Variants in DEAF1 observed in about 807,000 individuals in gnomAD.
The protein encoded by DEAF1 is deformed epidermal autoregulatory factor 1 homolog.
In DEAF1, 53 loss-of-function variants were observed where a neutral mutation model predicts 58.9. That is an observed-to-expected ratio of 0.90 (90% CI 0.72 to 1.13). The LOEUF is 1.13. Ranked by LOEUF, DEAF1 falls within the 50% of genes most tolerant of loss-of-function variation. The probability of loss-of-function intolerance (pLI) is 0.00; values close to 1 mark genes in which losing one functional copy is unlikely to be tolerated. For missense variants in DEAF1, 685 were observed against 791.4 expected, an observed-to-expected ratio of 0.87 and a Z score of 1.61; for synonymous variants, 385 against 340.4, an observed-to-expected ratio of 1.13 and a Z score of -1.44.
intron 6 of DEAF1, 123 bp from the exon 7 acceptor site, chr11:681,212 T>C (rs924131405): frequency 3.6e-5 from 49 of 1,360,372 alleles, no homozygotes; most frequent in Admixed American, 3.0e-4. Context: ...CACATTAAGA[T>C]GGTAAGCGCC....
chr11:681,642 C>T (rs894416068), intron 6 of DEAF1, among the ~76,000 whole-genome samples: 3 of 152,060 alleles, frequency 2.0e-5, no homozygotes, highest in South Asian at 4.1e-4. Flanking sequence ...GTTCTCCTGA[C>T]CTCGTGATCT....
chr11:687,208 C>A (rs1257350188), intron 4 of DEAF1, among the ~76,000 whole-genome samples: 1 of 152,244 alleles, frequency 6.6e-6, no homozygotes, highest in Admixed American at 6.5e-5. Context: ...TCTCTCCACC[C>A]GCTGTCCACA....
chr11:700,337 G>A (rs763910432), intron 1 of DEAF1: 33 of 1,077,434 alleles, frequency 3.1e-5, no homozygotes, highest in Non-Finnish European at 4.0e-5. Context: ...GACCAGCCAG[G>A]CCAACATGGG....
intron 2 of DEAF1, among the ~76,000 whole-genome samples, chr11:690,326 C>G (rs79695853): frequency 0.02 from 11 of 546 alleles, no homozygotes; most frequent in African/African-American, 0.033. Context: ...CAGGGGAGGG[C>G]AGGGGAGGGG....
chr11:687,378 G>A (rs887156491), intron 4 of DEAF1, among the ~76,000 whole-genome samples: 12 of 152,164 alleles, frequency 7.9e-5, no homozygotes, highest in Admixed American at 2.0e-4. Flanking sequence ...CGTGGGTCAC[G>A]ATGGCTTTTC....
chr11:689,985 C>T (rs1043587947), intron 2 of DEAF1, among the ~76,000 whole-genome samples: 5 of 151,824 alleles, frequency 3.3e-5, no homozygotes, highest in African/African-American at 1.2e-4. Context: ...CAGATCGCCA[C>T]GTGGCCATGG....
intron 5 of DEAF1, among the ~76,000 whole-genome samples, chr11:685,965 G>A (rs959851308): frequency 6.8e-6 from 1 of 146,342 alleles, no homozygotes; most frequent in Non-Finnish European, 1.5e-5. Context: ...CCAGCGTGGT[G>A]AAACCCTGTC....
rs1446304381 is a variant in DEAF1, at chr11:644,234, A to G, written c.*316T>C. The G allele has an allele frequency of 6.9e-6, 3 of 434,532 alleles. No homozygotes were observed. The highest frequency in any genetic ancestry group is 3.5e-5 in the Admixed American group (1 of 28,458). The allele number at this position is 434,532 out of a possible 1,614,324, so 26.9% of individuals were successfully genotyped here. A position where few individuals can be genotyped will look rare whatever the true frequency, so the allele number is the denominator to read the frequency against. On this transcript the variant is annotated 3_prime_UTR_variant, in exon 12 of 12. Transcript: ENST00000382409. The surrounding 1 kb of genome is among the most constrained non-coding windows in gnomAD (Gnocchi z 4.3). ...GCAACCGGCCGTGTGGGGCAGGGAG[A>G]CCTTATTTACACTTTATTGACAGAC...
At chr11:695,720 C>A (rs1400356506), upstream of DEAF1, 1 of 1,240,672 alleles carries the variant, frequency 8.1e-7, no homozygotes, top group Non-Finnish European at 1.0e-6. Flanking sequence ...CGAAACGCGG[C>A]GCGGTCGGGC....
At chr11:671,534 A>T (rs893749584) in intron 10 of DEAF1, among the ~76,000 whole-genome samples, 6 of 151,814 alleles carry the variant, frequency 4.0e-5, no homozygotes, top group Non-Finnish European at 8.8e-5. Flanking sequence ...AAAGTATTTT[A>T]AAATTATCTT....
chr11:703,835 A>G, intron 1 of DEAF1: 2 of 1,234,632 alleles, frequency 1.6e-6, no homozygotes, highest in Non-Finnish European at 2.0e-6. Context: ...AAGGCCGGGG[A>G]TGAGACTGCA....
intron 10 of DEAF1, among the ~76,000 whole-genome samples, chr11:667,554 C>A (rs1859605908): frequency 6.6e-6 from 1 of 152,146 alleles, no homozygotes; most frequent in African/African-American, 2.4e-5. Context: ...ATAATCCCAG[C>A]ACTTTGGGAG....
rs1474351816 is a variant in DEAF1, at chr11:681,118, C to A, written c.871-29G>T. ...GGGGAGAAAGGAGAGAGGCCACCAC[C>A]TTCATGTGTGCAAAAGCTATGCTGC... On this transcript the variant is annotated intron_variant, in intron 6 of 11. Coordinates refer to ENST00000382409, the MANE Select transcript of DEAF1 (RefSeq NM_021008.4). 6 of 1,613,388 alleles carry A rather than the reference C, an allele frequency of 3.7e-6. No homozygotes were observed. In the African/African-American group the frequency reaches 4.0e-5, roughly 11 times the overall value.
chr11:675,110 G>A (rs902712630), intron 9 of DEAF1, among the ~76,000 whole-genome samples: 13 of 152,282 alleles, frequency 8.5e-5, no homozygotes, highest in African/African-American at 2.2e-4. Flanking sequence ...GTGTGAAGCC[G>A]GGAGGCAGAG....
chr11:666,974 G>A (rs2133337379), intron 10 of DEAF1, among the ~76,000 whole-genome samples: 1 of 152,090 alleles, frequency 6.6e-6, no homozygotes, highest in South Asian at 2.1e-4. Context: ...CAAGGAAGGT[G>A]GGTTGCTTGA....
intron 7 of DEAF1, among the ~76,000 whole-genome samples, chr11:680,584 C>T (rs1216456759): frequency 1.3e-5 from 2 of 152,200 alleles, no homozygotes; most frequent in South Asian, 2.1e-4. Flanking sequence ...CCCTCCAGCC[C>T]GGCCACAGAG....
intron 1 of DEAF1, chr11:700,899 A>G: frequency 1.6e-6 from 1 of 631,822 alleles, no homozygotes; most frequent in East Asian, 2.7e-5. Flanking sequence ...CCCAGAGACA[A>G]ATAACACTGG....
At chr11:684,638 CT>C (rs1228953868) in intron 6 of DEAF1, among the ~76,000 whole-genome samples, 3 of 152,300 alleles carry the variant, frequency 2.0e-5, no homozygotes, top group Admixed American at 6.5e-5. Context: ...ATTATAACCG[CT>C]TTTCATTATT....
chr11:699,751 C>CA (rs891952478), upstream of DEAF1: 1,641 of 166,000 alleles, frequency 9.9e-3, no homozygotes, highest in South Asian at 0.028. Context: ...GACTCTATCT[C>CA]AAAAAAAAAA....
Sources: gnomAD v4.1 joint callset for allele counts (sites outside exome capture counted in the v4.1 genomes callset) on GRCh38, gnomAD v4.1.1 for gene constraint, Gnocchi (gnomAD v3.1) non-coding constraint, MANE v1.5 for transcripts, NCBI Gene and HGNC (gene_info 2026-07-23, HGNC 2026-07-21) for gene names.